The following MYLK variants were observed in gnomAD, a reference collection of about 807,000 sequenced individuals.
The protein encoded by MYLK is myosin light chain kinase, smooth muscle.
Under a neutral mutation model 203.4 loss-of-function variants are expected in MYLK, and 106 were observed. The ratio of observed to expected loss-of-function variants is 0.52; its 90% CI spans 0.45 to 0.61. MYLK has a LOEUF of 0.61. Among genes scored for constraint, MYLK ranks in the 20% least tolerant of loss-of-function variants. The pLI, the probability that MYLK is intolerant of heterozygous loss-of-function variation, is 0.00. For missense variants in MYLK, 2,072 were observed against 2,442.3 expected (o/e 0.85, Z 3.20); for synonymous variants, 867 against 959.5 (o/e 0.90, Z 1.78).
intron 26 of MYLK, 93 bp from the exon 27 acceptor site, chr3:123,647,520 G>A (rs1229396523): frequency 9.4e-7 from 1 of 1,062,172 alleles, no homozygotes; most frequent in African/African-American, 1.6e-5. Context: ...GGACAGATCT[G>A]GCCCACCTCC....
At chr3:123,782,688 A>C (rs1056425722) in intron 4 of MYLK, among the ~76,000 whole-genome samples, 1 of 152,130 alleles carries the variant, frequency 6.6e-6, no homozygotes, top group Non-Finnish European at 1.5e-5. Flanking sequence ...TCATTTTGCC[A>C]CTCAGCTTTG....
At chr3:123,712,227 T>C (rs1033067034) in intron 13 of MYLK, among the ~76,000 whole-genome samples, 1 of 152,202 alleles carries the variant, frequency 6.6e-6, no homozygotes, top group African/African-American at 2.4e-5. Context: ...TGGAAATGCA[T>C]TGATCTATCT....
At chr3:123,646,073 G>A (rs780427360) in intron 27 of MYLK, among the ~76,000 whole-genome samples, 2 of 152,172 alleles carry the variant, frequency 1.3e-5, no homozygotes, top group East Asian at 3.8e-4. Context: ...GCAATAAGCC[G>A]AGATGGCACC....
chr3:123,835,675 CCTT>C (rs1242124758), intron 2 of MYLK, among the ~76,000 whole-genome samples: 2 of 152,158 alleles, frequency 1.3e-5, no homozygotes, highest in Non-Finnish European at 2.9e-5. Context: ...TTCTCTCTGA[CCTT>C]CTTCTTCCCT....
chr3:123,837,749 C>T (rs2066508469), intron 2 of MYLK, among the ~76,000 whole-genome samples: 2 of 151,830 alleles, frequency 1.3e-5, no homozygotes, highest in Admixed American at 6.6e-5. Flanking sequence ...AACCAATAGT[C>T]TACTTTCTGT....
chr3:123,840,135 T>C (rs970024073), intron 2 of MYLK, among the ~76,000 whole-genome samples: 1 of 151,848 alleles, frequency 6.6e-6, no homozygotes, highest in South Asian at 2.1e-4. Flanking sequence ...CACTTTAGGA[T>C]AAACTAGAAA....
chr3:123,796,709 CT>C (rs1291703514), intron 3 of MYLK, among the ~76,000 whole-genome samples: 3 of 152,100 alleles, frequency 2.0e-5, no homozygotes, highest in African/African-American at 7.2e-5. Flanking sequence ...TAAGCTGTTA[CT>C]TTTTAAAAAT....
Position 123,722,262 on chromosome 3 carries a change from G to A in MYLK, c.1670C>T (p.Ala557Val), listed in dbSNP as rs1467105855. Residue 557 changes from alanine (A) to valine (V), a missense_variant, in exon 13 of 34, where the codon GCT becomes GTT. By Grantham distance (64) the Ala-to-Val change is moderately conservative. Coordinates refer to ENST00000360304, the MANE Select transcript of MYLK (RefSeq NM_053025.4). ...CACGCCGGCCTCGCAGGTGGAGCGA[G>A]CGTACTGGATGGGCTGCCCTGTGGA... The part of the protein sequence containing the change: ...WLLNGQPIQY[A>V]RSTCEAGVAE... The A allele has an allele frequency of 6.4e-6, 10 of 1,570,072 alleles. No homozygotes were observed. The African/African-American group carries it at 9.4e-5, about 15-fold the overall frequency.
Position 123,733,794 on chromosome 3 carries a change from C to T in MYLK, c.1202G>A (p.Arg401Lys), listed in dbSNP as rs1182989306. ...CCTCTGGCCCTCCATGGGGATTCTC[C>T]TGTTAGCAGCCTTGCTCACAACATC... The part of the protein sequence containing the change: ...SQDVVSKAAN[R>K]RIPMEGQRDS... The change falls in exon 10 of 34, where the codon AGG becomes AAG. Residue 401 changes from arginine to lysine, a missense_variant. Physicochemically the swap from Arg to Lys is conservative, Grantham distance 26 (BLOSUM62 2). This residue lies in a region of MYLK where 683 missense variants were observed against 643.8 expected (regional missense o/e 1.06). Coordinates refer to ENST00000360304, the MANE Select transcript of MYLK (RefSeq NM_053025.4). 1 of 1,614,226 alleles carries T rather than the reference C, an allele frequency of 6.2e-7. No individual in the cohort carries two copies.
intron 3 of MYLK, among the ~76,000 whole-genome samples, chr3:123,823,431 CA>C (rs2066003756): frequency 6.6e-6 from 1 of 152,180 alleles, no homozygotes; most frequent in South Asian, 2.1e-4. Context: ...CCCATCCAGG[CA>C]AAAGGCTCCA....
At chr3:123,703,115 G>A (rs2061315039) in intron 16 of MYLK, among the ~76,000 whole-genome samples, 1 of 152,196 alleles carries the variant, frequency 6.6e-6, no homozygotes, top group Non-Finnish European at 1.5e-5. Flanking sequence ...ACAGGCATCT[G>A]AGCATGCGTT....
At chr3:123,847,911 T>C (rs534178290) in intron 2 of MYLK, among the ~76,000 whole-genome samples, 1 of 152,224 alleles carries the variant, frequency 6.6e-6, no homozygotes, top group African/African-American at 2.4e-5. Context: ...AAAAGACAGC[T>C]TTTCCCCAGT....
At chr3:123,875,821 C>T (rs1419827469) in intron 2 of MYLK, among the ~76,000 whole-genome samples, 5 of 151,936 alleles carry the variant, frequency 3.3e-5, no homozygotes, top group Admixed American at 6.6e-5. Flanking sequence ...CAGAATACAC[C>T]GAAACTAGGA....
At chr3:123,851,087 T>G (rs1577122353) in intron 2 of MYLK, among the ~76,000 whole-genome samples, 1 of 152,124 alleles carries the variant, frequency 6.6e-6, no homozygotes, top group Non-Finnish European at 1.5e-5. Context: ...GGGCTCTGTT[T>G]TGTTCCATTG....
intron 5 of MYLK, among the ~76,000 whole-genome samples, chr3:123,751,790 T>G (rs2063201257): frequency 6.6e-6 from 1 of 152,036 alleles, no homozygotes; most frequent in South Asian, 2.1e-4. Flanking sequence ...GTCATAGGGC[T>G]GGGATGGTTG....
intron 20 of MYLK, chr3:123,681,078 T>C (rs1256385382): frequency 6.6e-6 from 1 of 152,254 alleles, no homozygotes; most frequent in Non-Finnish European, 1.5e-5. Flanking sequence ...ACTACACTTT[T>C]AACTGCATGG....
intron 2 of MYLK, among the ~76,000 whole-genome samples, chr3:123,839,129 T>C (rs987447675): frequency 6.6e-6 from 1 of 151,372 alleles, no homozygotes; most frequent in East Asian, 1.9e-4. Flanking sequence ...TCTCAATAAA[T>C]ACAAAGGCAA....
intron 4 of MYLK, among the ~76,000 whole-genome samples, chr3:123,780,120 A>C (rs2064236271): frequency 6.6e-6 from 1 of 152,096 alleles, no homozygotes; most frequent in African/African-American, 2.4e-5. Context: ...CCAGGTCCCT[A>C]CTCCAAAATC....
chr3:123,703,265 C>T (rs1194437983), intron 16 of MYLK, among the ~76,000 whole-genome samples: 1 of 152,208 alleles, frequency 6.6e-6, no homozygotes, highest in Non-Finnish European at 1.5e-5. Context: ...GGTGCTGGCA[C>T]CCATTTGAAG....
Sources: allele counts gnomAD v4.1 joint callset (sites outside exome capture counted in the v4.1 genomes callset), GRCh38; gene constraint gnomAD v4.1.1; regional missense constraint gnomAD v4.1.1; transcripts MANE v1.5; gene names NCBI Gene and HGNC (gene_info 2026-07-23, HGNC 2026-07-21).